GRIA2: variants seen among roughly 807,000 people sequenced by gnomAD.
The protein encoded by GRIA2 is glutamate receptor 2.
Under a neutral mutation model 97.3 loss-of-function variants are expected in GRIA2, and 14 were observed. The ratio of observed to expected loss-of-function variants is 0.14; its 90% CI spans 0.10 to 0.23. The LOEUF is 0.23. Among genes scored for constraint, GRIA2 ranks in the 10% least tolerant of loss-of-function variants. The probability of loss-of-function intolerance (pLI) is 1.00; values close to 1 mark genes in which losing one functional copy is unlikely to be tolerated. For missense variants in GRIA2, 558 were observed against 1,069.8 expected, an observed-to-expected ratio of 0.52 and a Z score of 6.67; for synonymous variants, 412 against 387.8, an observed-to-expected ratio of 1.06 and a Z score of -0.73.
At chr4:157,220,666 GTGT>G, upstream of GRIA2, 1 of 265,278 alleles carries the variant, frequency 3.8e-6, no homozygotes, top group African/African-American at 2.2e-5. Context: ...GTGTGTGTGT[GTGT>G]GTGTGCGCGC....
At chr4:157,255,964 C>T (rs932303674) in intron 2 of GRIA2, among the ~76,000 whole-genome samples, 18 of 150,624 alleles carry the variant, frequency 1.2e-4, no homozygotes, top group Non-Finnish European at 1.6e-4. Context: ...AGATATCATT[C>T]GTACATGTAG....
At chr4:157,242,718 T>C (rs1210005193) in intron 2 of GRIA2, among the ~76,000 whole-genome samples, 3 of 152,124 alleles carry the variant, frequency 2.0e-5, no homozygotes, top group Non-Finnish European at 2.9e-5. Context: ...CCTGTGAGCC[T>C]CTCATTACAA....
At chr4:157,278,432 A>ACCTGTGACACATATCTTATG (rs1410937109) in intron 2 of GRIA2, among the ~76,000 whole-genome samples, 4 of 151,938 alleles carry the variant, frequency 2.6e-5, no homozygotes, top group African/African-American at 9.7e-5. Context: ...CAAAAAAAGA[A>ACCTGTGACACATATCTTATG]CCTGTGACAC....
At position 157,255,912 on chromosome 4, in the gene GRIA2, A is replaced by G. The variant is rs561147128; in HGVS notation, c.229+34105A>G. ...CAACAAGCATATGAAAAAATGCTTA[A>G]CATTGCTAAGCATCAGATAAATGCA... On this transcript the variant is annotated intron_variant, in intron 2 of 15. Transcript: ENST00000264426. 1.1e-4 allele frequency among the ~76,000 whole-genome samples: 17 copies of G among 151,834 alleles called. 1 individual carries two copies. The South Asian group carries it at 3.3e-3, about 30-fold the overall frequency.
chr4:157,345,891 T>C (rs1735743852), intron 12 of GRIA2, among the ~76,000 whole-genome samples: 1 of 152,172 alleles, frequency 6.6e-6, no homozygotes, highest in Admixed American at 6.6e-5. Flanking sequence ...TTTAATGCAG[T>C]TTGTTCCATC....
chr4:157,320,691 T>C (rs998765774), intron 5 of GRIA2, among the ~76,000 whole-genome samples: 1 of 152,148 alleles, frequency 6.6e-6, no homozygotes, highest in African/African-American at 2.4e-5. Flanking sequence ...AACTTTTGTG[T>C]ACAATAAGAT....
chr4:157,251,829 A>G (rs1468018446), intron 2 of GRIA2, among the ~76,000 whole-genome samples: 1 of 152,182 alleles, frequency 6.6e-6, no homozygotes, highest in Non-Finnish European at 1.5e-5. Flanking sequence ...TACAATTAGT[A>G]GTACCACTAG....
intron 12 of GRIA2, among the ~76,000 whole-genome samples, chr4:157,357,737 A>T (rs1736455942): frequency 6.6e-6 from 1 of 152,164 alleles, no homozygotes; most frequent in Non-Finnish European, 1.5e-5. Flanking sequence ...AAATGATTCA[A>T]ACTGCAAAGA....
At chr4:157,229,118 T>C (rs1475515731) in intron 2 of GRIA2, among the ~76,000 whole-genome samples, 1 of 152,166 alleles carries the variant, frequency 6.6e-6, no homozygotes, top group African/African-American at 2.4e-5. Flanking sequence ...TTTTAGATGG[T>C]ATCTAGGAAG....
intron 2 of GRIA2, among the ~76,000 whole-genome samples, chr4:157,288,304 C>A (rs1011084631): frequency 1.3e-5 from 2 of 151,588 alleles, no homozygotes; most frequent in Non-Finnish European, 3.0e-5. Flanking sequence ...AAACCAAAAC[C>A]AGTTTACATT....
chr4:157,277,894 ATATATATG>A (rs1177622676), intron 2 of GRIA2, among the ~76,000 whole-genome samples: 5 of 144,744 alleles, frequency 3.5e-5, no homozygotes, highest in Admixed American at 2.1e-4. Flanking sequence ...ATATATGTAT[ATATATATG>A]TATATATGTA....
At chr4:157,292,655 A>G (rs1361493492) in intron 2 of GRIA2, among the ~76,000 whole-genome samples, 1 of 152,116 alleles carries the variant, frequency 6.6e-6, no homozygotes, top group Non-Finnish European at 1.5e-5. Flanking sequence ...AATAGTAAAA[A>G]GAAGTGTACA....
chr4:157,252,395 A>G (rs1579305644), intron 2 of GRIA2, among the ~76,000 whole-genome samples: 1 of 152,118 alleles, frequency 6.6e-6, no homozygotes, highest in Non-Finnish European at 1.5e-5. Context: ...TTAGAAGAAT[A>G]AAGTAAGTCT....
chr4:157,285,146 G>A (rs995426110), intron 2 of GRIA2, among the ~76,000 whole-genome samples: 4 of 151,652 alleles, frequency 2.6e-5, no homozygotes, highest in South Asian at 2.1e-4. Context: ...GTCTTAATGA[G>A]CATTTCCCTG....
chr4:157,306,121 T>A (rs1193122045), intron 3 of GRIA2, among the ~76,000 whole-genome samples: 1 of 152,210 alleles, frequency 6.6e-6, no homozygotes, highest in Non-Finnish European at 1.5e-5. Context: ...TAATTCTCTT[T>A]ACACTTTGAT....
intron 12 of GRIA2, among the ~76,000 whole-genome samples, chr4:157,352,885 C>A (rs979508115): frequency 2.0e-5 from 3 of 151,696 alleles, no homozygotes; most frequent in Admixed American, 2.0e-4. Context: ...ATAGTGAAAC[C>A]CTGTCTCTAC....
intron 2 of GRIA2, among the ~76,000 whole-genome samples, chr4:157,233,643 A>T (rs1286605830): frequency 6.6e-6 from 1 of 152,078 alleles, no homozygotes; most frequent in African/African-American, 2.4e-5. Context: ...AAATGCTTAG[A>T]TTAATTTGTC....
chr4:157,303,429 C>G, intron 2 of GRIA2, 123 bp from the exon 3 acceptor site: 1 of 746,420 alleles, frequency 1.3e-6, no homozygotes, highest in Admixed American at 2.6e-5. Context: ...ATCATTAAAT[C>G]TATATTTCTT....
At chr4:157,338,043 TATATATACAC>T (rs1735380366) in intron 11 of GRIA2, among the ~76,000 whole-genome samples, 1 of 21,860 alleles carries the variant, frequency 4.6e-5, no homozygotes, top group African/African-American at 1.2e-4. Context: ...TATATATATA[TATATATACAC>T]ACACATTTTT....
Sources: allele counts gnomAD v4.1 joint callset (sites outside exome capture counted in the v4.1 genomes callset), GRCh38; gene constraint gnomAD v4.1.1; transcripts MANE v1.5; gene names NCBI Gene and HGNC (gene_info 2026-07-23, HGNC 2026-07-21).